KCP: variants seen among roughly 807,000 people sequenced by gnomAD.
KCP encodes kielin cysteine rich BMP regulator.
In KCP, 194 loss-of-function variants were observed where a neutral mutation model predicts 212.7. That is an observed-to-expected ratio of 0.91 (90% CI 0.81 to 1.03). KCP has a LOEUF of 1.03. KCP is among the 50% of genes least tolerant of loss of function. KCP has a pLI of 0.00. For synonymous variants in KCP, 833 were observed against 865.3 expected, an observed-to-expected ratio of 0.96 and a Z score of 0.65; for missense variants, 2,080 against 2,162.5, an observed-to-expected ratio of 0.96 and a Z score of 0.76.
chr7:128,876,957 T>C lies in KCP; in HGVS notation c.*86A>G. ...AGGCTCCAGTGTCCAGGCAGGGCAT[T>C]CTCTCCATAGCCCTAACCAGGGTGG... On this transcript the variant is annotated 3_prime_UTR_variant, in exon 40 of 40. Transcript: ENST00000610776. The C allele has an allele frequency of 2.1e-6, 3 of 1,453,476 alleles. No individual in the cohort carries two copies. The highest frequency in any genetic ancestry group is 2.7e-6 in the Non-Finnish European group (3 of 1,097,590). 90.0% of individuals were successfully genotyped at this position (1,453,476 alleles called of 1,614,324 possible). A position where few individuals can be genotyped will look rare whatever the true frequency, so the allele number is the denominator to read the frequency against.
At position 128,891,801 on chromosome 7, in the gene KCP, T is replaced by C; in HGVS notation, c.1640A>G (p.Glu547Gly). 1 of 1,445,214 alleles carries C rather than the reference T, an allele frequency of 6.9e-7. No homozygotes were observed. Among genetic ancestry groups the C allele is most frequent in the Admixed American group, 3.0e-5 (1 of 33,686 alleles). The allele number at this position is 1,445,214 out of a possible 1,614,324, so 89.5% of individuals were successfully genotyped here. The change falls in exon 17 of 40, where the codon GAG becomes GGG. Residue 547 changes from glutamate to glycine, a missense_variant. Coordinates refer to ENST00000610776, the MANE Select transcript of KCP (RefSeq NM_001366122.1). ...GAAGCTCTCGCCGTCCACAAACACC[T>C]CTTCCTCCAGGATGCAGTCTGGGCA... is the stretch of plus-strand genomic sequence containing the variant. The part of the protein sequence containing the change: ...PRCPDCILEE[E>G]VFVDGESFSH...
At chr7:128,892,351 TC>T (rs1008634036) in intron 16 of KCP, among the ~76,000 whole-genome samples, 162 bp downstream of exon 16, 2 of 149,234 alleles carry the variant, frequency 1.3e-5, no homozygotes, top group Non-Finnish European at 3.0e-5. Flanking sequence ...CTACTCTCCC[TC>T]CCACCCACAC....
chr7:128,881,177 A>T (rs1446539949), intron 31 of KCP, 92 bp from the exon 32 acceptor site: 2 of 398,686 alleles, frequency 5.0e-6, no homozygotes, highest in African/African-American at 4.1e-5. Flanking sequence ...GCAGGAAAGC[A>T]CCCACTCCGT....
Position 128,908,480 on chromosome 7 carries a change from G to C in KCP, c.165C>G (p.Pro55=). 6.4e-7 allele frequency: 1 copy of C among 1,551,940 alleles called. No individual in the cohort carries two copies. The highest frequency in any genetic ancestry group is 8.7e-7 in the Non-Finnish European group (1 of 1,147,060). The change falls in exon 2 of 40, where the codon CCC becomes CCG. Residue 55 remains proline (P), a synonymous_variant. Transcript: ENST00000610776. The part of the protein sequence containing the change: ...LAGNSQEQWH[P]LREWLGRLEA... ...CCAGTCGCCCCAGCCACTCTCGCAG[G>C]GGGTGCCACTGCTCCTGGGAGTTCC...
Position 128,881,073 on chromosome 7 carries a change from T to C in KCP, c.3437A>G (p.Glu1146Gly). 1 of 398,878 alleles carries C rather than the reference T, an allele frequency of 2.5e-6. No homozygotes were observed. The allele number at this position is 398,878 out of a possible 1,614,324, so 24.7% of individuals were successfully genotyped here. Residue 1146 changes from glutamate (E) to glycine (G), a missense_variant, in exon 32 of 40, where the codon GAG (glutamate) becomes GGG (glycine). Coordinates refer to ENST00000610776, the MANE Select transcript of KCP (RefSeq NM_001366122.1). ...CCPVCRECVV[E>G]AEGRRVADGE... Reference sequence around the variant, plus strand: ...ATCTGCCACTCTCCGGCCCTCGGCCTCCACCACACATTCTGAGGGGGGAGA... The same window carrying C: ...ATCTGCCACTCTCCGGCCCTCGGCCCCCACCACACATTCTGAGGGGGGAGA...
chr7:128,877,526 G>A lies in KCP; in HGVS notation c.4576C>T (p.Gln1526Ter), dbSNP rs1793066989. The A allele has an allele frequency of 1.3e-6, 2 of 1,551,302 alleles. No homozygotes were observed. The highest frequency in any genetic ancestry group is 1.4e-5 in the African/African-American group (1 of 73,052). The change falls in exon 39 of 40, where the codon CAG becomes TAG. Residue 1526 changes from glutamine (Q) to a stop codon, truncating the protein, a stop_gained. Coordinates refer to ENST00000610776, the MANE Select transcript of KCP (RefSeq NM_001366122.1). LOFTEE classifies it high-confidence loss of function. ...CGCCAGGTAGGTGTCACTCCTGCCT[G>A]GCGACAGTGACTGGCGTAGGCTTCC... ...ALEAYASHCR[Q>*]AGVTPTWRGP...
chr7:128,887,295 G>A lies in KCP; in HGVS notation c.2518C>T (p.Arg840Cys), dbSNP rs762526297. The A allele has an allele frequency of 3.9e-6, 6 of 1,551,024 alleles. No individual in the cohort carries two copies. Among genetic ancestry groups the A allele is most frequent in the East Asian group, 2.4e-5 (1 of 40,918 alleles). The change falls in exon 23 of 40, where the codon CGC becomes TGC. Residue 840 changes from arginine (R) to cysteine (C), a missense_variant. By Grantham distance (180) the Arg-to-Cys change is radical (BLOSUM62 -3). Coordinates refer to ENST00000610776, the MANE Select transcript of KCP (RefSeq NM_001366122.1). ...GHCCPTCQGC[R>C]YHGVTTASGE... ...GAGGCAGTAGTGACGCCATGGTAGCGGCATCCTGGCAGAGCGGGGAGTCCA... is the reference window on the plus strand; with the variant it reads ...GAGGCAGTAGTGACGCCATGGTAGCAGCATCCTGGCAGAGCGGGGAGTCCA...
chr7:128,880,595 T>C, intron 33 of KCP, 24 bp downstream of exon 33: 2 of 1,299,706 alleles, frequency 1.5e-6, no homozygotes, highest in South Asian at 2.2e-5. Context: ...GGCTTACCCC[T>C]CCCCCATCAC....
At chr7:128,888,649 C>T (rs1253927320) in intron 22 of KCP, among the ~76,000 whole-genome samples, 7 of 151,884 alleles carry the variant, frequency 4.6e-5, no homozygotes, top group Non-Finnish European at 8.8e-5. Context: ...CACACATACA[C>T]AGCCACACAC....
intron 7 of KCP, 81 bp downstream of exon 7, chr7:128,903,646 C>T (rs1046614943): frequency 2.8e-5 from 34 of 1,214,724 alleles, no homozygotes; most frequent in East Asian, 1.5e-4. Context: ...CACTGGAGGC[C>T]GGCAAGGTGG....
rs767490499 is a variant in KCP, at chr7:128,894,024, G to A, written c.957C>T (p.Ser319=). The A allele has an allele frequency of 9.8e-5, 152 of 1,549,956 alleles. No homozygotes were observed. The highest frequency in any genetic ancestry group is 3.5e-4 in the Admixed American group (18 of 50,982). ...GGTCCCCTGAGCCCACAGGCTCCCCGCTGCGGTGCTCCCGCCCGTTTAGGA... is the reference window on the plus strand; with the variant it reads ...GGTCCCCTGAGCCCACAGGCTCCCCACTGCGGTGCTCCCGCCCGTTTAGGA... ...GCFLNGREHR[S]GEPVGSGDPC... Residue 319 remains serine, a synonymous_variant, in exon 10 of 40, where the codon AGC becomes AGT. Coordinates refer to ENST00000610776, the MANE Select transcript of KCP (RefSeq NM_001366122.1).
At chr7:128,902,922 C>T (rs1563051214) in intron 7 of KCP, 63 bp from the exon 8 acceptor site, 5 of 1,256,774 alleles carry the variant, frequency 4.0e-6, no homozygotes, top group Non-Finnish European at 5.7e-6. Context: ...CCAGCCTCAG[C>T]CTGCCCGCCT....
At chr7:128,908,034 C>T (rs913635556) in intron 2 of KCP, among the ~76,000 whole-genome samples, 2 of 150,260 alleles carry the variant, frequency 1.3e-5, no homozygotes, top group Non-Finnish European at 1.5e-5. Flanking sequence ...GAGGCTGAAG[C>T]GTAAGAATCA....
Position 128,904,063 on chromosome 7 carries a change from G to T in KCP, c.647C>A (p.Thr216Asn), listed in dbSNP as rs1008017895. The change falls in exon 6 of 40, where the codon ACC becomes AAC. Residue 216 changes from threonine to asparagine, a missense_variant. By Grantham distance (65) the Thr-to-Asn change is moderately conservative (BLOSUM62 0). Coordinates refer to ENST00000610776, the MANE Select transcript of KCP (RefSeq NM_001366122.1). ...GGGGACAGGTGGACTCACCAGGCAGGTGCACTGTAGACAAGGGTTGGAGCT... is the reference window on the plus strand; with the variant it reads ...GGGGACAGGTGGACTCACCAGGCAGTTGCACTGTAGACAAGGGTTGGAGCT... Reference protein sequence around the residue: ...LSSSNPCLQCTCLRSRVRCMA... With the variant: ...LSSSNPCLQCNCLRSRVRCMA... The T allele has an allele frequency of 1.9e-6, 3 of 1,551,462 alleles. No individual in the cohort carries two copies. The highest frequency in any genetic ancestry group is 2.6e-6 in the Non-Finnish European group (3 of 1,146,878).
At chr7:128,908,618 G>C (rs1474467374) in intron 1 of KCP, 50 bp from the exon 2 acceptor site, 1 of 1,520,420 alleles carries the variant, frequency 6.6e-7, no homozygotes, top group Non-Finnish European at 8.9e-7. Context: ...GGGCTGGCCT[G>C]GCCACATTTT....
chr7:128,883,917 CTG>C, intron 29 of KCP, 83 bp downstream of exon 29: 1 of 1,455,828 alleles, frequency 6.9e-7, no homozygotes, highest in Non-Finnish European at 9.1e-7. Flanking sequence ...CAGGAAGAAT[CTG>C]GGGCTGGGAC....
chr7:128,905,320 A>C (rs1357549733), intron 5 of KCP, among the ~76,000 whole-genome samples: 1 of 152,210 alleles, frequency 6.6e-6, no homozygotes, highest in Non-Finnish European at 1.5e-5. Flanking sequence ...ATTAAGATTT[A>C]ACAAAGCATT....
At position 128,907,396 on chromosome 7, in the gene KCP, A is replaced by G. The variant is rs576898435; in HGVS notation, c.277T>C (p.Ser93Pro). The G allele has an allele frequency of 1.4e-4, 216 of 1,528,522 alleles. 1 individual carries two copies. The South Asian group carries it at 2.5e-3, about 18-fold the overall frequency. 94.7% of individuals were successfully genotyped at this position (1,528,522 alleles called of 1,614,324 possible). The change falls in exon 3 of 40, where the codon TCT becomes CCT. Residue 93 changes from serine to proline, a missense_variant. Physicochemically the swap from Ser to Pro is moderately conservative, Grantham distance 74 (BLOSUM62 -1). Coordinates refer to ENST00000610776, the MANE Select transcript of KCP (RefSeq NM_001366122.1). ...CGCCCCAGCCCCCAGCACTGGGGAG[A>G]TGCAGGGTGGCACTCACAGGACTCC... is the stretch of plus-strand genomic sequence containing the variant. ...QLESCECHPA[S>P]PQCWGLGRAW...
chr7:128,889,117 G>T, intron 21 of KCP, 78 bp from the exon 22 acceptor site: 1 of 1,201,394 alleles, frequency 8.3e-7, no homozygotes, highest in South Asian at 1.8e-5. Flanking sequence ...CTCTGAGCTT[G>T]GGCCTGTTAT....
Sources: gnomAD v4.1 joint callset for allele counts (sites outside exome capture counted in the v4.1 genomes callset) on GRCh38, gnomAD v4.1.1 for gene constraint, MANE v1.5 for transcripts, NCBI Gene and HGNC (gene_info 2026-07-23, HGNC 2026-07-21) for gene names.